Variants in ZFYVE9 observed in about 807,000 individuals in gnomAD.
The protein encoded by ZFYVE9 is zinc finger FYVE-type containing 9, also known as zinc finger FYVE domain-containing protein 9.
ZFYVE9 carries 43 observed loss-of-function variants against 126.7 expected under a neutral mutation model. That is an observed-to-expected ratio of 0.34 (90% CI 0.27 to 0.44). ZFYVE9 has a LOEUF of 0.44. ZFYVE9 is among the 20% of genes least tolerant of loss of function. The pLI, the probability that ZFYVE9 is intolerant of heterozygous loss-of-function variation, is 1.00. For synonymous variants in ZFYVE9, 521 were observed against 597.4 expected (o/e 0.87, Z 1.87); for missense variants, 1,476 against 1,697.0 (o/e 0.87, Z 2.29).
At chr1:52,181,547 G>C (rs1281075495) in intron 1 of ZFYVE9, among the ~76,000 whole-genome samples, 3 of 150,114 alleles carry the variant, frequency 2.0e-5, no homozygotes, top group South Asian at 2.1e-4. Flanking sequence ...GCCGCCCATC[G>C]TCTGGGATGT....
intron 1 of ZFYVE9, among the ~76,000 whole-genome samples, chr1:52,167,426 A>AGACCCT (rs1461835469): frequency 2.0e-5 from 3 of 152,190 alleles, no homozygotes; most frequent in Non-Finnish European, 4.4e-5. Flanking sequence ...GGATGGATAA[A>AGACCCT]TGAAATTGCA....
intron 13 of ZFYVE9, among the ~76,000 whole-genome samples, chr1:52,325,394 C>T (rs902600978): frequency 1.3e-5 from 2 of 151,974 alleles, no homozygotes; most frequent in Non-Finnish European, 1.5e-5. Context: ...GTGGCACATA[C>T]CTGTAGTCCC....
intron 2 of ZFYVE9, among the ~76,000 whole-genome samples, chr1:52,228,378 A>AT (rs954683068): frequency 2.0e-5 from 3 of 152,110 alleles, no homozygotes; most frequent in African/African-American, 4.8e-5. Context: ...TTTGTCTAGA[A>AT]TTTTTTTATT....
chr1:52,181,896 C>T lies in ZFYVE9; in HGVS notation c.-142-34473C>T, dbSNP rs548301768. Among the ~76,000 whole-genome samples, 12 of 152,028 alleles carry T rather than the reference C, an allele frequency of 7.9e-5. No individual in the cohort carries two copies. The East Asian group carries it at 1.2e-3, about 15-fold the overall frequency. On this transcript the variant is annotated intron_variant, in intron 1 of 18. Transcript: ENST00000287727. ...GAGCCCCTCCGCCCGGCAGCCACCC[C>T]GTCTGGGAAGTAAGGAGCGTCTCCG...
intron 13 of ZFYVE9, among the ~76,000 whole-genome samples, chr1:52,323,291 C>G (rs1008584323): frequency 6.6e-6 from 1 of 152,226 alleles, no homozygotes; most frequent in Non-Finnish European, 1.5e-5. Flanking sequence ...CATCCTCTGA[C>G]TCTCCTATTT....
intron 10 of ZFYVE9, among the ~76,000 whole-genome samples, chr1:52,287,221 C>T (rs1645870587): frequency 6.6e-6 from 1 of 152,154 alleles, no homozygotes; most frequent in Non-Finnish European, 1.5e-5. Flanking sequence ...TCCCAATTAG[C>T]TCCCAAGTAG....
intron 7 of ZFYVE9, among the ~76,000 whole-genome samples, chr1:52,270,555 C>T (rs865791371): frequency 2.6e-5 from 4 of 152,108 alleles, no homozygotes; most frequent in Non-Finnish European, 4.4e-5. Flanking sequence ...TAAGCCACCG[C>T]GCCTGGCCTA....
At position 52,346,509 on chromosome 1, in the gene ZFYVE9, T is replaced by G. The variant is rs1646485179; in HGVS notation, c.*288T>G. On this transcript the variant is annotated 3_prime_UTR_variant, in exon 19 of 19. Transcript: ENST00000287727. ...CAGCTAATCCCCTTCTGTTACTGTT[T>G]AGACAAGAATTCCGCTCCTCTCTCA... 2.4e-6 allele frequency: 1 copy of G among 415,230 alleles called. No individual in the cohort carries two copies. The highest frequency in any genetic ancestry group is 2.0e-5 in the African/African-American group (1 of 49,452). 25.7% of individuals were successfully genotyped at this position (415,230 alleles called of 1,614,324 possible).
At chr1:52,181,660 T>C (rs1448496336) in intron 1 of ZFYVE9, among the ~76,000 whole-genome samples, 8 of 122,226 alleles carry the variant, frequency 6.5e-5, no homozygotes, top group Admixed American at 8.0e-5. Context: ...CCGGCCGCCA[T>C]CCCATCTAGG....
chr1:52,262,807 C>T (rs919678917), intron 4 of ZFYVE9, among the ~76,000 whole-genome samples: 1 of 152,040 alleles, frequency 6.6e-6, no homozygotes, highest in Non-Finnish European at 1.5e-5. Flanking sequence ...TGTGGTGGCT[C>T]ACGCCTGTAA....
chr1:52,266,438 T>C (rs1645634860), intron 5 of ZFYVE9, among the ~76,000 whole-genome samples: 1 of 140,774 alleles, frequency 7.1e-6, no homozygotes, highest in African/African-American at 2.9e-5. Context: ...AAAAAAATCA[T>C]GTTACTCTTA....
At chr1:52,305,067 A>C (rs1270114236) in intron 13 of ZFYVE9, among the ~76,000 whole-genome samples, 3 of 152,322 alleles carry the variant, frequency 2.0e-5, no homozygotes, top group African/African-American at 7.2e-5. Flanking sequence ...TTATTTCTCA[A>C]ATTTGAAATA....
chr1:52,152,587 T>C (rs1410790287), intron 1 of ZFYVE9, among the ~76,000 whole-genome samples: 1 of 152,182 alleles, frequency 6.6e-6, no homozygotes, highest in Non-Finnish European at 1.5e-5. Context: ...GAATAAATAA[T>C]CACTCTTAAT....
chr1:52,179,503 A>T (rs1644675894), intron 1 of ZFYVE9, among the ~76,000 whole-genome samples: 1 of 152,060 alleles, frequency 6.6e-6, no homozygotes, highest in Non-Finnish European at 1.5e-5. Context: ...GCGTGGTGGC[A>T]CATGCCTATA....
intron 4 of ZFYVE9, among the ~76,000 whole-genome samples, chr1:52,255,935 TTTCTTTTC>T (rs1432669600): frequency 3.2e-5 from 4 of 124,884 alleles, no homozygotes; most frequent in Non-Finnish European, 4.7e-5. Context: ...TTTCTTTTCT[TTTCTTTTC>T]TTTTCTTTTC....
chr1:52,278,567 TA>T lies in ZFYVE9; in HGVS notation c.2823del (p.Phe942LeufsTer3). ...QLEDGGPDPLVFVLNANLLSM... is the reference protein window; with the variant it reads ...QLEDGGPDPLXFVLNANLLSM... ...GAGGATGGTGGCCCTGACCCACTTG[TA>T]TTTGTTTTAAATGCAAATTTGTTGT... On this transcript the variant is annotated frameshift_variant, in exon 9 of 19. Transcript: ENST00000287727. LOFTEE classifies it high-confidence loss of function. The T allele has an allele frequency of 6.2e-7, 1 of 1,601,182 alleles. No homozygotes were observed. Among genetic ancestry groups the T allele is most frequent in the Non-Finnish European group, 8.5e-7 (1 of 1,173,584 alleles).
At chr1:52,304,406 GCACCC>G (rs2147842776) in intron 13 of ZFYVE9, among the ~76,000 whole-genome samples, 1 of 152,062 alleles carries the variant, frequency 6.6e-6, no homozygotes, top group East Asian at 1.9e-4. Flanking sequence ...GGGATTACAG[GCACCC>G]GCCACCATGC....
chr1:52,200,011 C>T (rs1452947948), intron 1 of ZFYVE9, among the ~76,000 whole-genome samples: 1 of 140,530 alleles, frequency 7.1e-6, no homozygotes, highest in East Asian at 2.1e-4. Flanking sequence ...GGTCTTTGGC[C>T]TGTTTTTTGA....
At chr1:52,336,793 T>C (rs1317482011) in intron 15 of ZFYVE9, among the ~76,000 whole-genome samples, 1 of 151,932 alleles carries the variant, frequency 6.6e-6, no homozygotes, top group Admixed American at 6.6e-5. Flanking sequence ...TGTTAAATGA[T>C]AAAATGAGCT....
Sources: allele counts gnomAD v4.1 joint callset (sites outside exome capture counted in the v4.1 genomes callset), GRCh38; gene constraint gnomAD v4.1.1; transcripts MANE v1.5; gene names NCBI Gene and HGNC (gene_info 2026-07-23, HGNC 2026-07-21).